ALG6: variants seen among roughly 807,000 people sequenced by gnomAD.
ALG6 encodes dolichyl pyrophosphate Man9GlcNAc2 alpha-1,3-glucosyltransferase.
A neutral mutation model predicts 66.6 loss-of-function variants in ALG6; 46 were observed. That is an observed-to-expected ratio of 0.69 (90% CI 0.55 to 0.88). ALG6 has a LOEUF of 0.88. ALG6 is among the 40% of genes least tolerant of loss of function. The pLI is 0.00. For synonymous variants in ALG6, 185 were observed against 203.7 expected, an observed-to-expected ratio of 0.91 and a Z score of 0.78; for missense variants, 505 against 586.8, an observed-to-expected ratio of 0.86 and a Z score of 1.44.
chr1:63,428,592 A>G, intron 12 of ALG6, 141 bp from the exon 13 acceptor site: 1 of 626,360 alleles, frequency 1.6e-6, no homozygotes, highest in Non-Finnish European at 2.7e-6. Flanking sequence ...AAAATGAATC[A>G]GTAGTCCATA....
intron 2 of ALG6, among the ~76,000 whole-genome samples, 181 bp from the exon 3 acceptor site, chr1:63,396,332 A>T (rs1163860876): frequency 6.6e-6 from 1 of 151,518 alleles, no homozygotes; most frequent in East Asian, 1.9e-4. Flanking sequence ...GCCCAGCGTC[A>T]CTCCAGCAGT....
intron 7 of ALG6, 133 bp downstream of exon 7, chr1:63,407,259 A>G (rs1162188175): frequency 1.5e-6 from 1 of 663,198 alleles, no homozygotes; most frequent in Admixed American, 2.5e-5. Flanking sequence ...ACAATAATAT[A>G]AAAGAATCTC....
intron 11 of ALG6, among the ~76,000 whole-genome samples, chr1:63,417,411 TA>T (rs1460011106): frequency 8.5e-5 from 13 of 152,222 alleles, no homozygotes; most frequent in Admixed American, 8.5e-4. Flanking sequence ...TGGTATGTTT[TA>T]AAAGAAGCCA....
rs971904261 is a variant in ALG6, at chr1:63,437,759, C to A, written c.*739C>A. On this transcript the variant is annotated 3_prime_UTR_variant, in exon 15 of 15. Transcript: ENST00000263440. ...GGTTTGAGTGAAGTCTTCTAAATTA[C>A]ACATAATCACTGGTTCTAAACTTCC... The A allele has an allele frequency of 6.6e-6, 1 of 151,892 alleles. No individual in the cohort carries two copies. The highest frequency in any genetic ancestry group is 1.5e-5 in the Non-Finnish European group (1 of 67,982). 9.4% of individuals were successfully genotyped at this position (151,892 alleles called of 1,614,324 possible).
At chr1:63,420,177 A>T (rs528969625) in intron 12 of ALG6, among the ~76,000 whole-genome samples, 1 of 152,258 alleles carries the variant, frequency 6.6e-6, no homozygotes, top group Non-Finnish European at 1.5e-5. Context: ...CTTCGTGCAG[A>T]GCTGGGCTGG....
chr1:63,394,690 T>C (rs1276769404), intron 2 of ALG6, among the ~76,000 whole-genome samples: 2 of 151,838 alleles, frequency 1.3e-5, no homozygotes, highest in Non-Finnish European at 2.9e-5. Flanking sequence ...TTTTAAATGA[T>C]TTAAGAATAA....
At chr1:63,386,880 T>C (rs1306299772) in intron 2 of ALG6, among the ~76,000 whole-genome samples, 2 of 152,140 alleles carry the variant, frequency 1.3e-5, no homozygotes, top group Admixed American at 6.6e-5. Context: ...TATCATTAGG[T>C]TGTTTATTTG....
chr1:63,421,685 A>T (rs527596131), intron 12 of ALG6, among the ~76,000 whole-genome samples: 8 of 152,286 alleles, frequency 5.3e-5, no homozygotes, highest in Admixed American at 5.2e-4. Flanking sequence ...ATGGAATATT[A>T]TGCGGCCAAA....
chr1:63,390,677 G>A (rs1393394568), intron 2 of ALG6, among the ~76,000 whole-genome samples: 2 of 152,172 alleles, frequency 1.3e-5, no homozygotes, highest in African/African-American at 4.8e-5. Flanking sequence ...GGTTCCTACT[G>A]CTGGGATGGA....
At position 63,387,196 on chromosome 1, in the gene ALG6, G is replaced by A. The variant is rs1648527346; in HGVS notation, c.83-9317G>A. Among the ~76,000 whole-genome samples, 4 of 152,068 alleles carry A rather than the reference G, an allele frequency of 2.6e-5. No individual in the cohort carries two copies. In the South Asian group the frequency reaches 8.3e-4, roughly 31 times the overall value. Reference sequence around the variant, plus strand: ...TTTGAATTTTTTAAGACTTGTTTGTGGTCTATCGTATGGTCTATCTGTGTG... The same window carrying A: ...TTTGAATTTTTTAAGACTTGTTTGTAGTCTATCGTATGGTCTATCTGTGTG... On this transcript the variant is annotated intron_variant, in intron 2 of 14. Transcript: ENST00000263440.
chr1:63,380,443 T>C (rs1435313685), intron 2 of ALG6, among the ~76,000 whole-genome samples: 1 of 149,114 alleles, frequency 6.7e-6, no homozygotes, highest in Non-Finnish European at 1.5e-5. Context: ...ATGTAACTTA[T>C]AATATTACTT....
At chr1:63,373,882 A>G (rs1208128865) in intron 2 of ALG6, among the ~76,000 whole-genome samples, 1 of 151,984 alleles carries the variant, frequency 6.6e-6, no homozygotes, top group East Asian at 1.9e-4. Flanking sequence ...TCAGCCTCCC[A>G]AAGTACTGGG....
chr1:63,387,435 A>T (rs1259549202), intron 2 of ALG6, among the ~76,000 whole-genome samples: 1 of 149,562 alleles, frequency 6.7e-6, no homozygotes, highest in Non-Finnish European at 1.5e-5. Flanking sequence ...TTATATATCT[A>T]GGTGCTCCAG....
intron 3 of ALG6, among the ~76,000 whole-genome samples, chr1:63,401,876 C>T (rs1644466822): frequency 6.6e-6 from 1 of 152,160 alleles, no homozygotes; most frequent in Non-Finnish European, 1.5e-5. Context: ...CACATTCTGG[C>T]TAACCAGAGG....
intron 2 of ALG6, among the ~76,000 whole-genome samples, chr1:63,390,151 T>C (rs995103447): frequency 1.5e-4 from 23 of 152,236 alleles, no homozygotes; most frequent in African/African-American, 5.5e-4. Flanking sequence ...GCCAGGCTTA[T>C]GCCCTTTCCT....
intron 4 of ALG6, among the ~76,000 whole-genome samples, chr1:63,403,070 G>A (rs1208902872): frequency 7.9e-6 from 1 of 127,176 alleles, no homozygotes; most frequent in African/African-American, 3.1e-5. Flanking sequence ...ATTCCATCCT[G>A]GGCAACAGAG....
intron 2 of ALG6, among the ~76,000 whole-genome samples, chr1:63,388,845 T>A (rs1648583011): frequency 6.6e-6 from 1 of 152,200 alleles, no homozygotes; most frequent in African/African-American, 2.4e-5. Context: ...GATATACTAT[T>A]CTAGGATAAA....
rs115754116 is a variant in ALG6, at chr1:63,411,008, G to A, written c.495-138G>A. 4.5e-3 allele frequency: 3,656 copies of A among 805,778 alleles called. 93 individuals carry two copies. In the African/African-American group the frequency reaches 0.055, roughly 12 times the overall value. The allele number at this position is 805,778 out of a possible 1,614,324, so 49.9% of individuals were successfully genotyped here. A position where few individuals can be genotyped will look rare whatever the true frequency, so the allele number is the denominator to read the frequency against. ...TTTCTATTGGGAAATAGCTTTCATT[G>A]TATATGTTATTTTAAAATCACATAA... On this transcript the variant is annotated intron_variant, in intron 7 of 14. Transcript: ENST00000263440.
intron 2 of ALG6, among the ~76,000 whole-genome samples, chr1:63,386,439 G>T (rs1648506385): frequency 6.6e-6 from 1 of 152,064 alleles, no homozygotes; most frequent in South Asian, 2.1e-4. Context: ...ATGCCATCAG[G>T]TTCTAGGCTT....
Sources: allele counts gnomAD v4.1 joint callset (sites outside exome capture counted in the v4.1 genomes callset), GRCh38; gene constraint gnomAD v4.1.1; transcripts MANE v1.5; gene names NCBI Gene and HGNC (gene_info 2026-07-23, HGNC 2026-07-21).